Variants in INSR observed in about 807,000 individuals in gnomAD.
INSR encodes IR.
A neutral mutation model predicts 142.6 loss-of-function variants in INSR; 67 were observed. That is an observed-to-expected ratio of 0.47 (90% CI 0.39 to 0.58). The LOEUF (loss-of-function observed/expected upper bound fraction) is 0.58, where lower values mean the gene tolerates loss of function less well. Ranked by LOEUF, INSR falls within the 20% of genes least tolerant of loss-of-function variation. The pLI is 0.00. For synonymous variants in INSR, 756 were observed against 743.1 expected (o/e 1.02, Z -0.28); for missense variants, 1,248 against 1,833.2 (o/e 0.68, Z 5.83).
rs779114407 is a variant in INSR at position 7,168,127 on chromosome 19, C to T, written c.1484-33G>A. ...AGTTAAAACAAAAGGCAAAAATGAG[C>T]TATTTCAGTGTAGTTTCAGACCAAA... On this transcript the variant is annotated intron_variant, in intron 6 of 21. Transcript: ENST00000302850. This position sits in a 1 kb window ranked among gnomAD's most constrained non-coding sequence, Gnocchi z 4.3. 6.2e-7 allele frequency: 1 copy of T among 1,611,278 alleles called. No individual in the cohort carries two copies. Among genetic ancestry groups the T allele is most frequent in the South Asian group, 1.1e-5 (1 of 90,810 alleles).
chr19:7,245,276 T>TCAACCAGGGAAAA (rs1976506543), intron 2 of INSR, among the ~76,000 whole-genome samples: 1 of 151,818 alleles, frequency 6.6e-6, no homozygotes, highest in Non-Finnish European at 1.5e-5. Context: ...GGGAAATATT[T>TCAACCAGGGAAAA]AGTTCAACCA....
intron 10 of INSR, among the ~76,000 whole-genome samples, chr19:7,151,051 TTC>T (rs201979170): frequency 0.066 from 4,851 of 73,944 alleles, 214 homozygotes; most frequent in Non-Finnish European, 0.16. Context: ...TTCATTTTCT[TTC>T]TCTTTCTTTT....
intron 3 of INSR, among the ~76,000 whole-genome samples, chr19:7,181,542 G>A (rs922386763): frequency 4.7e-5 from 7 of 150,048 alleles, no homozygotes; most frequent in African/African-American, 1.7e-4. Context: ...ACTTTGGAAC[G>A]ACAGTAGATG....
intron 2 of INSR, among the ~76,000 whole-genome samples, chr19:7,237,041 A>G (rs932638744): frequency 1.3e-5 from 2 of 151,766 alleles, no homozygotes; most frequent in African/African-American, 4.8e-5. Context: ...AAAAAAAAAA[A>G]AAGATACAAT....
intron 19 of INSR, 132 bp downstream of exon 19, chr19:7,122,482 C>T (rs1972516693): frequency 2.1e-6 from 2 of 974,660 alleles, no homozygotes; most frequent in Admixed American, 2.5e-5. Context: ...AAAAAAACCC[C>T]ACAAAAAAAA....
intron 2 of INSR, among the ~76,000 whole-genome samples, chr19:7,244,299 G>A (rs139828545): frequency 2.0e-4 from 31 of 152,286 alleles, no homozygotes; most frequent in East Asian, 3.9e-4. Flanking sequence ...TTGGGAGGCC[G>A]AAGTGGGCAG....
chr19:7,292,419 C>T (rs902949133), intron 1 of INSR, among the ~76,000 whole-genome samples: 1 of 151,204 alleles, frequency 6.6e-6, no homozygotes, highest in African/African-American at 2.4e-5. Flanking sequence ...TCCAACTAAC[C>T]GCCACCCTTC....
chr19:7,170,190 CA>C (rs1464340017), intron 6 of INSR, among the ~76,000 whole-genome samples: 2 of 152,040 alleles, frequency 1.3e-5, no homozygotes, highest in Non-Finnish European at 2.9e-5. Flanking sequence ...TAGATTCTCA[CA>C]GGGGTGTGAA....
intron 2 of INSR, among the ~76,000 whole-genome samples, chr19:7,239,812 A>G (rs1976283317): frequency 7.8e-6 from 1 of 127,960 alleles, no homozygotes; most frequent in Admixed American, 8.3e-5. Flanking sequence ...CTTAAAGAAC[A>G]TAGTGGCTGA....
intron 5 of INSR, among the ~76,000 whole-genome samples, chr19:7,171,762 T>C (rs937118809): frequency 6.6e-6 from 1 of 152,180 alleles, no homozygotes; most frequent in East Asian, 1.9e-4. Context: ...TTCTCAAGAA[T>C]GACTATAAAA....
chr19:7,245,276 T>C (rs537762959), intron 2 of INSR, among the ~76,000 whole-genome samples: 26 of 151,940 alleles, frequency 1.7e-4, no homozygotes, highest in Middle Eastern at 3.4e-3. Context: ...GGGAAATATT[T>C]AGTTCAACCA....
In INSR at chr19:7,159,643, G is replaced by A. The variant is rs1973699711; in HGVS notation, c.2029+3389C>T. The A allele has an allele frequency of 6.6e-6, 1 of 152,086 alleles. No individual in the cohort carries two copies. The highest frequency in any genetic ancestry group is 1.5e-5 in the Non-Finnish European group (1 of 68,046). The allele number at this position is 152,086 out of a possible 1,614,324, so 9.4% of individuals were successfully genotyped here. A position where few individuals can be genotyped will look rare whatever the true frequency, so the allele number is the denominator to read the frequency against. ...TACAGCGGAGCTGATGACTGGACTC[G>A]CCCTGGAGTTATATAAAGCATCAGA... is the stretch of plus-strand genomic sequence containing the variant. On this transcript the variant is annotated intron_variant, in intron 9 of 21. Transcript: ENST00000302850. The surrounding 1 kb of genome is among the most constrained non-coding windows in gnomAD (Gnocchi z 4.3).
chr19:7,284,805 C>A (rs189759622), intron 1 of INSR, among the ~76,000 whole-genome samples: 83 of 152,232 alleles, frequency 5.5e-4, no homozygotes, highest in Non-Finnish European at 8.1e-4. Context: ...TGGGCATGAG[C>A]CACTGCGCCT....
At chr19:7,143,290 A>C (rs1198754024) in intron 11 of INSR, among the ~76,000 whole-genome samples, 200 bp from the exon 12 acceptor site, 1 of 152,208 alleles carries the variant, frequency 6.6e-6, no homozygotes, top group Non-Finnish European at 1.5e-5. Context: ...GAGCATCTGA[A>C]GGATTAGAGC....
intron 19 of INSR, 83 bp from the exon 20 acceptor site, chr19:7,120,832 G>A: frequency 6.4e-7 from 1 of 1,562,934 alleles, no homozygotes; most frequent in Non-Finnish European, 8.7e-7. Context: ...ACCTCTCACA[G>A]AGCCCTAAGA....
intron 2 of INSR, among the ~76,000 whole-genome samples, chr19:7,221,210 C>T (rs1975600712): frequency 6.6e-6 from 1 of 151,408 alleles, no homozygotes; most frequent in South Asian, 2.1e-4. Context: ...CCCGTTTCTA[C>T]CAAAAACACA....
In INSR at chr19:7,150,477, G is replaced by A. The variant is rs773843883; in HGVS notation, c.2267+20C>T. ...GCCCTGCGCGGAGCAGGCACCAGGG[G>A]TCGCACAGGTGAGTCATACCTAGGG... On this transcript the variant is annotated intron_variant, in intron 11 of 21. Transcript: ENST00000302850. This position sits in a 1 kb window ranked among gnomAD's most constrained non-coding sequence, Gnocchi z 4.2. The A allele has an allele frequency of 2.0e-5, 32 of 1,612,958 alleles. No homozygotes were observed. The highest frequency in any genetic ancestry group is 8.8e-5 in the South Asian group (8 of 91,008).
chr19:7,244,440 C>A (rs1976466172), intron 2 of INSR, among the ~76,000 whole-genome samples: 1 of 150,760 alleles, frequency 6.6e-6, no homozygotes, highest in Non-Finnish European at 1.5e-5. Flanking sequence ...GGCTGAGGCA[C>A]AAGAATTGTT....
intron 8 of INSR, among the ~76,000 whole-genome samples, chr19:7,165,132 C>A (rs1973862419): frequency 6.7e-6 from 1 of 149,776 alleles, no homozygotes; most frequent in Non-Finnish European, 1.5e-5. Flanking sequence ...TCTCAAAAAA[C>A]AAAACAAAAC....
Sources: allele counts gnomAD v4.1 joint callset (sites outside exome capture counted in the v4.1 genomes callset), GRCh38; gene constraint gnomAD v4.1.1; non-coding constraint Gnocchi (gnomAD v3.1); transcripts MANE v1.5; gene names NCBI Gene and HGNC (gene_info 2026-07-23, HGNC 2026-07-21).